The following PAK4 variants were observed in gnomAD, a reference collection of about 807,000 sequenced individuals.
PAK4 encodes the protein serine/threonine-protein kinase PAK 4.
Under a neutral mutation model 53.5 loss-of-function variants are expected in PAK4, and 49 were observed. The observed-to-expected ratio is 0.92, with a 90% CI of 0.73 to 1.16. PAK4 has a LOEUF of 1.16. Ranked by LOEUF, PAK4 falls within the 50% of genes most tolerant of loss-of-function variation. The probability of loss-of-function intolerance (pLI) is 0.00; values close to 1 mark genes in which losing one functional copy is unlikely to be tolerated. For missense variants in PAK4, 824 were observed against 850.7 expected, an observed-to-expected ratio of 0.97 and a Z score of 0.39; for synonymous variants, 376 against 375.6, an observed-to-expected ratio of 1.00 and a Z score of -0.01.
At chr19:39,129,472 C>A (rs2073659008) in intron 1 of PAK4, among the ~76,000 whole-genome samples, 1 of 152,192 alleles carries the variant, frequency 6.6e-6, no homozygotes, top group Admixed American at 6.5e-5. Context: ...TCCCCGCTTT[C>A]CTAGCGGTTG....
chr19:39,132,128 A>G (rs2073724289), intron 1 of PAK4, among the ~76,000 whole-genome samples: 1 of 152,280 alleles, frequency 6.6e-6, no homozygotes, highest in Non-Finnish European at 1.5e-5. Flanking sequence ...CTGTGAGTCT[A>G]TGAGCATGGT....
In PAK4 at chr19:39,174,824, A is replaced by G. The variant is rs546265300; in HGVS notation, c.1099-107A>G. 1.5e-5 allele frequency: 20 copies of G among 1,354,366 alleles called. No individual in the cohort carries two copies. In the East Asian group the frequency reaches 4.8e-4, roughly 32 times the overall value. The allele number at this position is 1,354,366 out of a possible 1,614,324, so 83.9% of individuals were successfully genotyped here. ...GGCAGTCCAGGTGGCCCCAGTGAGCACAAGCTTAATGTGGAACTGCAGGGG... is the reference window on the plus strand; with the variant it reads ...GGCAGTCCAGGTGGCCCCAGTGAGCGCAAGCTTAATGTGGAACTGCAGGGG... On this transcript the variant is annotated intron_variant, in intron 4 of 8. Transcript: ENST00000358301.
intron 1 of PAK4, among the ~76,000 whole-genome samples, chr19:39,160,555 G>A (rs1318259438): frequency 6.6e-6 from 1 of 152,224 alleles, no homozygotes; most frequent in Non-Finnish European, 1.5e-5. Flanking sequence ...AAGAAAGGCT[G>A]AGCAGTGCAG....
chr19:39,135,725 A>G (rs569287), intron 1 of PAK4, among the ~76,000 whole-genome samples: 136,514 of 151,636 alleles, frequency 0.9, 61,728 homozygotes, highest in Non-Finnish European at 0.95. Flanking sequence ...AGCTCAGTCC[A>G]GTGGGAACAC....
At chr19:39,129,369 A>G in intron 1 of PAK4, among the ~76,000 whole-genome samples, 1 of 151,924 alleles carries the variant, frequency 6.6e-6, no homozygotes, top group African/African-American at 2.4e-5. Context: ...TTGGAGCTAT[A>G]ACCGTGCAGC....
At position 39,152,573 on chromosome 19, in the gene PAK4, GAA is replaced by G. The variant is rs368320686; in HGVS notation, c.-22-16958_-22-16957del. The stretch of plus-strand genomic sequence containing the variant: ...GGTTACTAAGCTTTACAGTAAGAAC[GAA>G]CCTTCTATCCATGAAATTGCGAAGA... On this transcript the variant is annotated intron_variant, in intron 1 of 8. Coordinates refer to ENST00000358301, the Ensembl canonical transcript of PAK4. Among the ~76,000 whole-genome samples the G allele has an allele frequency of 3.9e-5, 6 of 152,246 alleles. No homozygotes were observed. In the East Asian group the frequency reaches 1.2e-3, roughly 29 times the overall value.
chr19:39,172,838 C>A (rs1473199845), intron 2 of PAK4, 80 bp from the exon 4 acceptor site: 2 of 1,200,050 alleles, frequency 1.7e-6, no homozygotes, highest in Non-Finnish European at 2.3e-6. Flanking sequence ...GTCGTGCTGT[C>A]CTGTCCCTGC....
chr19:39,156,503 AC>A (rs1407835885), intron 1 of PAK4, among the ~76,000 whole-genome samples: 2 of 151,914 alleles, frequency 1.3e-5, no homozygotes, highest in African/African-American at 4.8e-5. Context: ...TGGGAGGCTG[AC>A]CCTGCTGAAG....
At chr19:39,150,340 T>C (rs771694716) in intron 1 of PAK4, among the ~76,000 whole-genome samples, 64 of 152,268 alleles carry the variant, frequency 4.2e-4, no homozygotes, top group Non-Finnish European at 7.6e-4. Context: ...GTTCCGCGTG[T>C]AGAAGATGGC....
chr19:39,176,476 T>C, intron 6 of PAK4, 114 bp from the exon 8 acceptor site: 1 of 1,414,988 alleles, frequency 7.1e-7, no homozygotes, highest in Non-Finnish European at 9.8e-7. Context: ...ACCCCAGCTC[T>C]GACCTCTGGG....
downstream of PAK4, chr19:39,180,052 C>T (rs1268624828): frequency 6.6e-6 from 1 of 152,342 alleles, no homozygotes; most frequent in East Asian, 1.9e-4. Context: ...CCTCCGTCCC[C>T]AAAGCCAGCC....
Position 39,173,922 on chromosome 19 carries a change from T to TCGCCACCGTGCGCAG in PAK4, c.1012_1026dup (p.Ala338_Ser342dup). 1 of 1,611,912 alleles carries TCGCCACCGTGCGCAG rather than the reference T, an allele frequency of 6.2e-7. No individual in the cohort carries two copies. Among genetic ancestry groups the TCGCCACCGTGCGCAG allele is most frequent in the Non-Finnish European group, 8.5e-7 (1 of 1,179,620 alleles). The stretch of plus-strand genomic sequence containing the variant: ...GAGGGCTCCACGGGCATCGTGTGCA[T>TCGCCACCGTGCGCAG]CGCCACCGTGCGCAGCTCGGGCAAG... On this transcript the variant is annotated inframe_insertion, in exon 4 of 9. Coordinates refer to ENST00000358301, the Ensembl canonical transcript of PAK4. The surrounding 1 kb of genome is among the most constrained non-coding windows in gnomAD (Gnocchi z 6.9).
downstream of PAK4, chr19:39,179,497 A>G (rs1034337811): frequency 2.6e-5 from 4 of 152,152 alleles, no homozygotes; most frequent in Non-Finnish European, 5.9e-5. Flanking sequence ...GGAGCAAACC[A>G]CGATTCCAGC....
At position 39,178,611 on chromosome 19, in the gene PAK4, C is replaced by T. The variant is rs750337887; in HGVS notation, c.*32C>T. 3 of 1,543,492 alleles carry T rather than the reference C, an allele frequency of 1.9e-6. No individual in the cohort carries two copies. The South Asian group carries it at 3.6e-5, about 19-fold the overall frequency. On this transcript the variant is annotated 3_prime_UTR_variant, in exon 9 of 9. Coordinates refer to ENST00000358301, the Ensembl canonical transcript of PAK4. This position sits in a 1 kb window ranked among gnomAD's most constrained non-coding sequence, Gnocchi z 4.4. ...GCGCCCTTCCCCTCAACCAAAGAGC[C>T]CCCCGGGTCACCCCCGCCCCACTGA... is the stretch of plus-strand genomic sequence containing the variant.
Position 39,168,303 on chromosome 19 carries a change from G to C in PAK4, c.-22-1229G>C, listed in dbSNP as rs1444934599. ...TTCTGTCCCACCAGCATCAGACCAG[G>C]TGTGTGCAGGTGTGTGCGACTCCAG... On this transcript the variant is annotated intron_variant, in intron 1 of 8. Transcript: ENST00000358301. 6.8e-6 allele frequency: 1 copy of C among 147,896 alleles called. No individual in the cohort carries two copies. 9.2% of individuals were successfully genotyped at this position (147,896 alleles called of 1,614,324 possible). A position where few individuals can be genotyped will look rare whatever the true frequency, so the allele number is the denominator to read the frequency against.
chr19:39,178,455 G>T lies in PAK4; in HGVS notation c.1652G>T (p.Arg551Leu). The stretch of plus-strand genomic sequence containing the variant: ...CCATCCCTGAAGGGCTTCCTGGACC[G>T]CCTGCTGGTGCGAGACCCTGCCCAG... The change falls in exon 9 of 9, where the codon CGC (arginine) becomes CTC (leucine). Residue 551 changes from arginine (R) to leucine (L), a missense_variant. Transcript: ENST00000358301. The surrounding 1 kb of genome is among the most constrained non-coding windows in gnomAD (Gnocchi z 4.4). 1 of 1,598,166 alleles carries T rather than the reference G, an allele frequency of 6.3e-7. No homozygotes were observed.
In PAK4 at chr19:39,173,575, G is replaced by T. The variant is rs766892844; in HGVS notation, c.664-1G>T. ...TGACAGCTACCTCTCTTCTGTTTCA[G>T]GGGGAGCCTCATGACGTGGCCCCTA... On this transcript the variant is annotated splice_acceptor_variant, in intron 3 of 8. Transcript: ENST00000358301. LOFTEE classifies it high-confidence loss of function. The surrounding 1 kb of genome is among the most constrained non-coding windows in gnomAD (Gnocchi z 6.9). 4 of 1,519,708 alleles carry T rather than the reference G, an allele frequency of 2.6e-6. No individual in the cohort carries two copies. The highest frequency in any genetic ancestry group is 1.8e-4 in the Middle Eastern group (1 of 5,632). 94.1% of individuals were successfully genotyped at this position (1,519,708 alleles called of 1,614,324 possible).
chr19:39,174,445 G>A (rs1190819372), intron 4 of PAK4, among the ~76,000 whole-genome samples: 3 of 142,992 alleles, frequency 2.1e-5, no homozygotes, highest in East Asian at 2.1e-4. Flanking sequence ...CCCCCTCCCC[G>A]TCCCTCCTTA....
At position 39,175,550 on chromosome 19, in the gene PAK4, C is replaced by T. The variant is rs887881390; in HGVS notation, c.1359+112C>T. On this transcript the variant is annotated intron_variant, in intron 6 of 8. Transcript: ENST00000358301. This position sits in a 1 kb window ranked among gnomAD's most constrained non-coding sequence, Gnocchi z 4.7. Reference sequence around the variant, plus strand: ...TGAGCTCTGACCCCCAGGTCTGTGTCTTGAGGAGCTGGGAACTTCGTCCCT... The same window carrying T: ...TGAGCTCTGACCCCCAGGTCTGTGTTTTGAGGAGCTGGGAACTTCGTCCCT... The T allele has an allele frequency of 5.1e-6, 6 of 1,186,376 alleles. No individual in the cohort carries two copies. The highest frequency in any genetic ancestry group is 5.1e-5 in the East Asian group (2 of 38,954). 73.5% of individuals were successfully genotyped at this position (1,186,376 alleles called of 1,614,324 possible).
Sources: gnomAD v4.1 joint callset for allele counts (sites outside exome capture counted in the v4.1 genomes callset) on GRCh38, gnomAD v4.1.1 for gene constraint, Gnocchi (gnomAD v3.1) non-coding constraint, MANE v1.5 for transcripts, NCBI Gene and HGNC (gene_info 2026-07-23, HGNC 2026-07-21) for gene names.